Variants in CSMD1 observed in about 807,000 individuals in gnomAD.
The protein encoded by CSMD1 is CUB and sushi domain-containing protein 1.
CSMD1 carries 213 observed loss-of-function variants against 417.5 expected under a neutral mutation model. The observed-to-expected ratio is 0.51, with a 90% CI of 0.46 to 0.57. CSMD1 has a LOEUF of 0.57. Among genes scored for constraint, CSMD1 ranks in the 20% least tolerant of loss-of-function variants. The pLI is 0.00. For missense variants in CSMD1, 6,923 were observed against 4,529.7 expected (o/e 1.53, Z -15.17); for synonymous variants, 2,862 against 1,736.8 (o/e 1.65, Z -16.11).
intron 5 of CSMD1, among the ~76,000 whole-genome samples, chr8:3,828,131 G>T (rs893272986): frequency 2.0e-5 from 3 of 152,108 alleles, no homozygotes; most frequent in Non-Finnish European, 4.4e-5. Context: ...CAGAACCTGG[G>T]AACATCCTAA....
intron 3 of CSMD1, among the ~76,000 whole-genome samples, chr8:4,285,212 A>T (rs1409541034): frequency 6.6e-6 from 1 of 152,238 alleles, no homozygotes; most frequent in Non-Finnish European, 1.5e-5. Context: ...TAAAATTCAA[A>T]CTGCTTGTAT....
chr8:4,113,390 CTTTTTTTTTTTTT>C (rs59647790), intron 3 of CSMD1, among the ~76,000 whole-genome samples: 4 of 81,202 alleles, frequency 4.9e-5, no homozygotes, highest in South Asian at 6.4e-4. Context: ...AATAAAAGGG[CTTTTTTTTTTTTT>C]TTTTTTTTTT....
At chr8:3,974,364 A>C (rs2130114669) in intron 5 of CSMD1, among the ~76,000 whole-genome samples, 1 of 152,158 alleles carries the variant, frequency 6.6e-6, no homozygotes, top group Admixed American at 6.5e-5. Context: ...GGAATCAAAT[A>C]TACAGCTTTT....
intron 1 of CSMD1, among the ~76,000 whole-genome samples, chr8:4,859,237 C>G (rs1330802108): frequency 6.6e-6 from 1 of 151,874 alleles, no homozygotes. Flanking sequence ...AACTGGATCC[C>G]TTCCTTACAC....
At chr8:4,442,091 C>T (rs1798517345) in intron 2 of CSMD1, among the ~76,000 whole-genome samples, 1 of 152,100 alleles carries the variant, frequency 6.6e-6, no homozygotes, top group African/African-American at 2.4e-5. Context: ...GTTGTAGAAA[C>T]ACGTGACGAA....
At chr8:3,907,611 A>T (rs1383516655) in intron 5 of CSMD1, among the ~76,000 whole-genome samples, 1 of 152,202 alleles carries the variant, frequency 6.6e-6, no homozygotes, top group African/African-American at 2.4e-5. Context: ...ATGAAAAACA[A>T]GCCTAAGTTC....
intron 7 of CSMD1, among the ~76,000 whole-genome samples, chr8:3,685,471 C>T (rs904949266): frequency 2.0e-5 from 3 of 152,020 alleles, no homozygotes; most frequent in African/African-American, 7.3e-5. Context: ...ATGCTGCAGC[C>T]GAAGGAGATG....
chr8:3,944,512 G>C (rs766336104), intron 5 of CSMD1, among the ~76,000 whole-genome samples: 1 of 152,046 alleles, frequency 6.6e-6, no homozygotes, highest in East Asian at 1.9e-4. Flanking sequence ...TTTAGATTAG[G>C]CAGAGTTTGA....
rs1802271949 is a variant in CSMD1, at chr8:2,946,813, C to T, written c.10402+2486G>A. Among the ~76,000 whole-genome samples, 5 of 152,270 alleles carry T rather than the reference C, an allele frequency of 3.3e-5. No individual in the cohort carries two copies. In the South Asian group the frequency reaches 1.0e-3, roughly 32 times the overall value. On this transcript the variant is annotated intron_variant, in intron 68 of 69. Transcript: ENST00000635120. Reference sequence around the variant, plus strand: ...TTTGATGAACTACCAGAGTGTTTTCCAGAGCAGCTGCATCATTTCACATTT... The same window carrying T: ...TTTGATGAACTACCAGAGTGTTTTCTAGAGCAGCTGCATCATTTCACATTT...
chr8:4,477,189 C>G (rs1356099604), intron 2 of CSMD1, among the ~76,000 whole-genome samples: 1 of 152,218 alleles, frequency 6.6e-6, no homozygotes, highest in Non-Finnish European at 1.5e-5. Context: ...GCGCAGACAC[C>G]TCCAGCTGAG....
intron 1 of CSMD1, among the ~76,000 whole-genome samples, chr8:4,701,648 G>A (rs1474358629): frequency 2.0e-5 from 3 of 152,070 alleles, no homozygotes; most frequent in Non-Finnish European, 2.9e-5. Context: ...TTTGAAGTAT[G>A]CTAGGTCCAC....
At chr8:4,909,935 T>G (rs762613175) in intron 1 of CSMD1, among the ~76,000 whole-genome samples, 1 of 152,216 alleles carries the variant, frequency 6.6e-6, no homozygotes, top group African/African-American at 2.4e-5. Context: ...TTTACACGAC[T>G]AGCTGAAACT....
chr8:4,889,646 T>C (rs1295862853), intron 1 of CSMD1, among the ~76,000 whole-genome samples: 1 of 152,034 alleles, frequency 6.6e-6, no homozygotes, highest in African/African-American at 2.4e-5. Context: ...CATAAGAGAC[T>C]GCAAATATAA....
chr8:3,622,704 G>C (rs1796312991), intron 7 of CSMD1, among the ~76,000 whole-genome samples: 1 of 152,210 alleles, frequency 6.6e-6, no homozygotes, highest in Admixed American at 6.5e-5. Flanking sequence ...AACAGAGGGA[G>C]TTGTTTCGTG....
intron 1 of CSMD1, among the ~76,000 whole-genome samples, chr8:4,992,696 G>A (rs894526321): frequency 6.6e-6 from 1 of 152,216 alleles, no homozygotes; most frequent in African/African-American, 2.4e-5. Flanking sequence ...CTGACCAGAG[G>A]CCGCTGCCAG....
chr8:3,613,056 T>C (rs935992973), intron 8 of CSMD1, among the ~76,000 whole-genome samples: 1 of 152,044 alleles, frequency 6.6e-6, no homozygotes, highest in African/African-American at 2.4e-5. Context: ...AGTAAAATTT[T>C]TTTAAAAATA....
chr8:4,456,998 A>AAAAC (rs1799530421), intron 2 of CSMD1, among the ~76,000 whole-genome samples: 1 of 150,236 alleles, frequency 6.7e-6, no homozygotes, highest in East Asian at 1.9e-4. Flanking sequence ...AAAAAAAAAA[A>AAAAC]ACAACAAGAA....
At chr8:3,669,199 C>T (rs1183211309) in intron 7 of CSMD1, among the ~76,000 whole-genome samples, 1 of 152,170 alleles carries the variant, frequency 6.6e-6, no homozygotes, top group South Asian at 2.1e-4. Context: ...AATTGAAAGG[C>T]TAGGAGCATA....
intron 7 of CSMD1, among the ~76,000 whole-genome samples, chr8:3,703,182 T>C (rs1177288848): frequency 2.0e-5 from 3 of 152,224 alleles, no homozygotes; most frequent in Non-Finnish European, 2.9e-5. Flanking sequence ...CTACACTTAA[T>C]GTTGAGAGTC....
Sources: allele counts gnomAD v4.1 joint callset (sites outside exome capture counted in the v4.1 genomes callset), GRCh38; gene constraint gnomAD v4.1.1; transcripts MANE v1.5; gene names NCBI Gene and HGNC (gene_info 2026-07-23, HGNC 2026-07-21).